PNLIPRP1: variants seen among roughly 807,000 people sequenced by gnomAD.
PNLIPRP1 encodes the protein pancreatic lipase related protein 1, also known as inactive pancreatic lipase-related protein 1.
PNLIPRP1 carries 57 observed loss-of-function variants against 54.6 expected under a neutral mutation model. That is an observed-to-expected ratio of 1.04 (90% CI 0.84 to 1.30). The LOEUF (loss-of-function observed/expected upper bound fraction) is 1.30. Among genes scored for constraint, PNLIPRP1 ranks in the 50% most tolerant of loss-of-function variants. The pLI, the probability that PNLIPRP1 is intolerant of heterozygous loss-of-function variation, is 0.00. For synonymous variants in PNLIPRP1, 232 were observed against 208.8 expected (o/e 1.11, Z -0.96); for missense variants, 567 against 568.5 (o/e 1.00, Z 0.03).
intron 7 of PNLIPRP1, 21 bp from the exon 8 acceptor site, chr10:116,598,026 T>A (rs1554864195): frequency 6.2e-7 from 1 of 1,614,098 alleles, no homozygotes; most frequent in South Asian, 1.1e-5. Context: ...AAAAAGCTCA[T>A]TGTTTTTCTA....
Position 116,591,825 on chromosome 10 carries a change from G to T in PNLIPRP1, c.104G>T (p.Gly35Val), listed in dbSNP as rs782433696. ...LGCFSDTEPW[G>V]GTAIRPLKIL... ...TGCTTTTCTGACACTGAGCCCTGGG[G>T]CGGGACAGCAATCAGGCCCCTGAAA... The change falls in exon 3 of 13, where the codon GGC becomes GTC. Residue 35 changes from glycine (G) to valine (V), a missense_variant. Physicochemically the swap from Gly to Val is moderately radical, Grantham distance 109 (BLOSUM62 -3). Coordinates refer to ENST00000358834, the MANE Select transcript of PNLIPRP1 (RefSeq NM_006229.4). 1 of 1,614,230 alleles carries T rather than the reference G, an allele frequency of 6.2e-7. No individual in the cohort carries two copies. The highest frequency in any genetic ancestry group is 1.7e-5 in the Admixed American group (1 of 60,024).
At position 116,594,129 on chromosome 10, in the gene PNLIPRP1, T is replaced by C. The variant is rs537304146; in HGVS notation, c.331-601T>C. On this transcript the variant is annotated intron_variant, in intron 4 of 12. Transcript: ENST00000358834. Reference sequence around the variant, plus strand: ...TTAAATTCAAGCTGGTAATATGTACTGCCTGGCAGAACTCCTAAAGATATA... The same window carrying C: ...TTAAATTCAAGCTGGTAATATGTACCGCCTGGCAGAACTCCTAAAGATATA... Among the ~76,000 whole-genome samples, 27 of 152,322 alleles carry C rather than the reference T, an allele frequency of 1.8e-4. No homozygotes were observed. The South Asian group carries it at 3.9e-3, about 22-fold the overall frequency.
intron 3 of PNLIPRP1, 59 bp downstream of exon 3, chr10:116,591,984 A>C: frequency 2.5e-6 from 4 of 1,571,242 alleles, no homozygotes; most frequent in Non-Finnish European, 3.5e-6. Context: ...CCCACCCTGC[A>C]GACCATGAAT....
intron 2 of PNLIPRP1, 35 bp from the exon 3 acceptor site, chr10:116,591,736 G>A: frequency 6.2e-7 from 1 of 1,611,018 alleles, no homozygotes; most frequent in Non-Finnish European, 8.5e-7. Context: ...CACCTTGAGA[G>A]CAAATCCTTG....
chr10:116,606,226 A>G (rs1847935252), intron 12 of PNLIPRP1, among the ~76,000 whole-genome samples: 1 of 152,126 alleles, frequency 6.6e-6, no homozygotes, highest in Non-Finnish European at 1.5e-5. Flanking sequence ...AGGTGGAGTC[A>G]CCGAGTTCAG....
rs782487525 is a variant in PNLIPRP1, at chr10:116,591,885, GC to G, written c.165del (p.Phe56SerfsTer42). 109 of 1,614,046 alleles carry G rather than the reference GC, an allele frequency of 6.8e-5. No individual in the cohort carries two copies. The African/African-American group carries it at 1.3e-3, about 20-fold the overall frequency. On this transcript the variant is annotated frameshift_variant, in exon 3 of 13. Transcript: ENST00000358834. LOFTEE classifies it high-confidence loss of function. The part of the protein sequence containing the change: ...LPWSPEKIGT[R>X]FLLYTNENPN... ...TGGAGCCCTGAGAAGATCGGCACCC[GC>G]TTCCTGCTGTACACCAATGAAAACC...
intron 12 of PNLIPRP1, among the ~76,000 whole-genome samples, chr10:116,605,959 T>C (rs1554865540): frequency 6.6e-6 from 1 of 152,122 alleles, no homozygotes; most frequent in Non-Finnish European, 1.5e-5. Flanking sequence ...ATCGAAAATT[T>C]TACATAGGAC....
At position 116,609,122 on chromosome 10, in the gene PNLIPRP1, C is replaced by A; in HGVS notation, c.*6C>A. 1.9e-6 allele frequency: 3 copies of A among 1,603,618 alleles called. No individual in the cohort carries two copies. The South Asian group carries it at 3.3e-5, about 18-fold the overall frequency. On this transcript the variant is annotated 3_prime_UTR_variant, in exon 13 of 13. Transcript: ENST00000358834. ...TCACCCTCACGCCCTGCTAAGCTCCCGGGGCGACGAGGCTGCTGCGTTCAC... is the reference window on the plus strand; with the variant it reads ...TCACCCTCACGCCCTGCTAAGCTCCAGGGGCGACGAGGCTGCTGCGTTCAC...
chr10:116,601,307 A>G (rs1847835105), intron 10 of PNLIPRP1, 106 bp downstream of exon 10: 1 of 1,051,832 alleles, frequency 9.5e-7, no homozygotes. Context: ...CATTTTAATT[A>G]TCTTAGAAAT....
At chr10:116,592,231 GA>G in intron 3 of PNLIPRP1, 184 bp from the exon 4 acceptor site, 1 of 683,792 alleles carries the variant, frequency 1.5e-6, no homozygotes, top group Non-Finnish European at 2.4e-6. Flanking sequence ...AGGCCTAGTG[GA>G]AGCAGTGATT....
In PNLIPRP1 at chr10:116,597,838, T is replaced by C. The variant is rs1847763187; in HGVS notation, c.585T>C (p.Pro195=). The change falls in exon 7 of 13, where the codon CCT becomes CCC. Residue 195 remains proline, a synonymous_variant. Transcript: ENST00000358834. ...PGLSRITGLD[P]VEASFESTPE... ...GATCATCTCTTTTAGGGTTGGATCC[T>C]GTAGAAGCAAGTTTCGAGAGTACTC... 1.2e-6 allele frequency: 2 copies of C among 1,614,212 alleles called. No homozygotes were observed. Among genetic ancestry groups the C allele is most frequent in the Admixed American group, 1.7e-5 (1 of 60,028 alleles).
rs782733164 is a variant in PNLIPRP1, at chr10:116,591,946, A to T, written c.204+21A>T. 3.1e-6 allele frequency: 5 copies of T among 1,613,728 alleles called. No individual in the cohort carries two copies. In the East Asian group the frequency reaches 1.1e-4, roughly 36 times the overall value. On this transcript the variant is annotated intron_variant, in intron 3 of 12. Transcript: ENST00000358834. ...TTCAAGTGAGACCTCTGTCATTTAA[A>T]TGTCACTGTAACTGGCACGGGGCTA...
At chr10:116,604,629 C>T (rs1204268801) in intron 11 of PNLIPRP1, among the ~76,000 whole-genome samples, 1 of 150,538 alleles carries the variant, frequency 6.6e-6, no homozygotes, top group East Asian at 2.0e-4. Context: ...CAGACTTCTG[C>T]TAATAATTTT....
At chr10:116,599,256 GAAAATAAAATAAAATAAAAT>G (rs10640431) in intron 8 of PNLIPRP1, among the ~76,000 whole-genome samples, 3 of 133,842 alleles carry the variant, frequency 2.2e-5, no homozygotes, top group African/African-American at 5.7e-5. Flanking sequence ...ACTCCATCTC[GAAAATAAAATAAAATAAAAT>G]AAAATAAAAT....
intron 7 of PNLIPRP1, 28 bp downstream of exon 7, chr10:116,597,975 G>A: frequency 6.2e-7 from 1 of 1,614,108 alleles, no homozygotes; most frequent in South Asian, 1.1e-5. Context: ...CCAGCTGTGA[G>A]CACGCACAAC....
At chr10:116,606,589 G>A (rs1348768224) in intron 12 of PNLIPRP1, among the ~76,000 whole-genome samples, 2 of 152,174 alleles carry the variant, frequency 1.3e-5, no homozygotes, top group African/African-American at 4.8e-5. Flanking sequence ...TCCTGGGACT[G>A]TGTGGTTAAA....
rs556756233 is a variant in PNLIPRP1, at chr10:116,597,998, A to C, written c.695-49A>C. 3.7e-6 allele frequency: 6 copies of C among 1,614,112 alleles called. No individual in the cohort carries two copies. The South Asian group carries it at 5.5e-5, about 15-fold the overall frequency. On this transcript the variant is annotated intron_variant, in intron 7 of 12. Coordinates refer to ENST00000358834, the MANE Select transcript of PNLIPRP1 (RefSeq NM_006229.4). ...GAGCACGCACAACTGTGTTTTAACC[A>C]TGAAAGTCCTGCATGACAAAAAGCT...
At chr10:116,596,986 C>T (rs1209512151) in intron 6 of PNLIPRP1, among the ~76,000 whole-genome samples, 3 of 152,034 alleles carry the variant, frequency 2.0e-5, no homozygotes, top group African/African-American at 4.8e-5. Context: ...AAGAAAAAGG[C>T]TCAGGGATGC....
chr10:116,608,018 G>A (rs563325962), intron 12 of PNLIPRP1, among the ~76,000 whole-genome samples: 34 of 152,160 alleles, frequency 2.2e-4, no homozygotes, highest in Non-Finnish European at 4.9e-4. Flanking sequence ...ACCACGCCCG[G>A]CTAATTTTTG....
Sources: allele counts gnomAD v4.1 joint callset (sites outside exome capture counted in the v4.1 genomes callset), GRCh38; gene constraint gnomAD v4.1.1; transcripts MANE v1.5; gene names NCBI Gene and HGNC (gene_info 2026-07-23, HGNC 2026-07-21).